The following PTPRT variants were observed in gnomAD, a reference collection of about 807,000 sequenced individuals.
PTPRT encodes the protein protein tyrosine phosphatase receptor type T.
Under a neutral mutation model 176.8 loss-of-function variants are expected in PTPRT, and 56 were observed. The ratio of observed to expected loss-of-function variants is 0.32; its 90% CI spans 0.26 to 0.40. The LOEUF is 0.40. PTPRT is among the 10% of genes least tolerant of loss of function. PTPRT has a pLI of 1.00. For missense variants in PTPRT, 1,540 were observed against 1,908.2 expected, an observed-to-expected ratio of 0.81 and a Z score of 3.60; for synonymous variants, 783 against 739.0, an observed-to-expected ratio of 1.06 and a Z score of -0.96.
chr20:42,698,340 CATT>C lies in PTPRT; in HGVS notation c.860-20184_860-20182del, dbSNP rs1381832775. ...GGCCTCTCTAAGAAATGAGGTGTGT[CATT>C]ATGAAAACTGCAGGGCTTAATGCTT... On this transcript the variant is annotated intron_variant, in intron 6 of 30. Coordinates refer to ENST00000373187, the MANE Select transcript of PTPRT (RefSeq NM_007050.6). 2.0e-5 allele frequency among the ~76,000 whole-genome samples: 3 copies of C among 152,216 alleles called. No homozygotes were observed. In the East Asian group the frequency reaches 5.8e-4, roughly 30 times the overall value.
At chr20:42,357,320 G>A (rs2058371349) in intron 9 of PTPRT, among the ~76,000 whole-genome samples, 1 of 152,122 alleles carries the variant, frequency 6.6e-6, no homozygotes, top group Admixed American at 6.6e-5. Context: ...TTATTTTCTG[G>A]CCTTTCATAG....
chr20:42,390,328 AATTG>A (rs1326075926), intron 9 of PTPRT, among the ~76,000 whole-genome samples: 3 of 152,306 alleles, frequency 2.0e-5, no homozygotes, highest in East Asian at 1.9e-4. Context: ...GAAAAATATA[AATTG>A]ATTGATTAAT....
chr20:42,189,918 C>T (rs914685744), intron 16 of PTPRT, among the ~76,000 whole-genome samples: 15 of 152,120 alleles, frequency 9.9e-5, no homozygotes, highest in African/African-American at 3.4e-4. Context: ...AATTTAACTC[C>T]TTAGTGTTTG....
chr20:42,345,618 G>GTGTA lies in PTPRT; in HGVS notation c.1865+5009_1865+5010insTACA, dbSNP rs1491310287. Among the ~76,000 whole-genome samples the GTGTA allele has an allele frequency of 1.2e-3, 131 of 105,692 alleles. 2 individuals carry two copies. The highest frequency in any genetic ancestry group is 4.4e-3 in the African/African-American group (124 of 27,914). The allele number at this position is 105,692 out of a possible 152,430, so 69.3% of individuals were successfully genotyped here. A position where few individuals can be genotyped will look rare whatever the true frequency, so the allele number is the denominator to read the frequency against. ...TGTGTGTGTGTGTGTGTGTGTGTGT[G>GTGTA]TATATATATGTATGATGCCAGACAC... On this transcript the variant is annotated intron_variant, in intron 11 of 30. Coordinates refer to ENST00000373187, the MANE Select transcript of PTPRT (RefSeq NM_007050.6).
At chr20:42,316,841 T>C (rs1471502651) in intron 11 of PTPRT, among the ~76,000 whole-genome samples, 1 of 152,220 alleles carries the variant, frequency 6.6e-6, no homozygotes, top group African/African-American at 2.4e-5. Flanking sequence ...TCACTTCCTC[T>C]ATGAAGCCTG....
intron 9 of PTPRT, among the ~76,000 whole-genome samples, chr20:42,427,114 C>T (rs1450826627): frequency 6.6e-6 from 1 of 152,142 alleles, no homozygotes; most frequent in Non-Finnish European, 1.5e-5. Context: ...GCCTCCAGAG[C>T]TTTGAAAGCT....
chr20:42,514,067 A>G (rs2072013748), intron 7 of PTPRT, among the ~76,000 whole-genome samples: 1 of 152,136 alleles, frequency 6.6e-6, no homozygotes, highest in South Asian at 2.1e-4. Context: ...ATCAATTTTT[A>G]GCTTGTACAA....
intron 15 of PTPRT, among the ~76,000 whole-genome samples, chr20:42,224,616 A>G (rs956365760): frequency 1.3e-5 from 2 of 152,154 alleles, no homozygotes; most frequent in South Asian, 4.1e-4. Context: ...GCCCTTCCAG[A>G]TGGGTGGTTC....
At chr20:42,668,715 G>A (rs895287857) in intron 7 of PTPRT, among the ~76,000 whole-genome samples, 14 of 150,934 alleles carry the variant, frequency 9.3e-5, no homozygotes, top group African/African-American at 2.9e-4. Context: ...TTTTTAAGGC[G>A]GAGTCTCGCT....
intron 1 of PTPRT, among the ~76,000 whole-genome samples, chr20:42,936,554 T>C (rs566662455): frequency 1.4e-4 from 22 of 152,318 alleles, no homozygotes; most frequent in African/African-American, 5.1e-4. Flanking sequence ...AACTGTCTTA[T>C]AGCTTAACAA....
rs77136939 is a variant in PTPRT, at chr20:42,737,040, G to A, written c.859+19422C>T. ...AAATTCATGAAAGCCAATACACATG[G>A]GTGCTGCGGATTCAATTGTGTCAAC... On this transcript the variant is annotated intron_variant, in intron 6 of 30. Coordinates refer to ENST00000373187, the MANE Select transcript of PTPRT (RefSeq NM_007050.6). 7.6e-3 allele frequency among the ~76,000 whole-genome samples: 1,160 copies of A among 152,282 alleles called. 17 individuals carry two copies. The highest frequency in any genetic ancestry group is 0.027 in the African/African-American group (1,116 of 41,538).
intron 14 of PTPRT, among the ~76,000 whole-genome samples, chr20:42,246,157 T>A (rs1435914611): frequency 6.6e-6 from 1 of 152,066 alleles, no homozygotes; most frequent in African/African-American, 2.4e-5. Flanking sequence ...TTGATATATA[T>A]ATGCAGCTGG....
At chr20:42,548,123 G>A (rs533699497) in intron 7 of PTPRT, among the ~76,000 whole-genome samples, 152 of 152,128 alleles carry the variant, frequency 1.0e-3, no homozygotes, top group African/African-American at 3.4e-3. Flanking sequence ...AGGATACAAT[G>A]ATATAACAAA....
At position 42,345,580 on chromosome 20, in the gene PTPRT, ATATGTGTGTGTGTGTGTGTG is replaced by A. The variant is rs1568794704; in HGVS notation, c.1865+5028_1865+5047del. 3.5e-3 allele frequency among the ~76,000 whole-genome samples: 304 copies of A among 86,456 alleles called. 2 individuals are homozygous for A. The highest frequency in any genetic ancestry group is 0.013 in the African/African-American group (287 of 22,312). The allele number at this position is 86,456 out of a possible 152,430, so 56.7% of individuals were successfully genotyped here. ...CACACACATATATATACATACATAT[ATATGTGTGTGTGTGTGTGTG>A]TGTGTGTGTGTGTGTGTGTATATAT... On this transcript the variant is annotated intron_variant, in intron 11 of 30. Coordinates refer to ENST00000373187, the MANE Select transcript of PTPRT (RefSeq NM_007050.6).
At chr20:42,329,414 G>A (rs1175430793) in intron 11 of PTPRT, among the ~76,000 whole-genome samples, 1 of 151,486 alleles carries the variant, frequency 6.6e-6, no homozygotes, top group Admixed American at 6.6e-5. Flanking sequence ...GGGTGATACA[G>A]ACACAGTGAC....
chr20:43,177,859 G>A (rs1028061984), intron 1 of PTPRT, among the ~76,000 whole-genome samples: 13 of 152,204 alleles, frequency 8.5e-5, no homozygotes, highest in Admixed American at 6.5e-5. Flanking sequence ...AAAGGCAGCA[G>A]TAACTTTGAA....
intron 2 of PTPRT, among the ~76,000 whole-genome samples, chr20:42,860,450 A>G (rs2078641789): frequency 6.6e-6 from 1 of 152,294 alleles, no homozygotes; most frequent in Admixed American, 6.5e-5. Context: ...TTGCTTATAC[A>G]TTTCTATTGC....
chr20:42,516,972 G>A (rs1568943258), intron 7 of PTPRT, among the ~76,000 whole-genome samples: 1 of 152,042 alleles, frequency 6.6e-6, no homozygotes, highest in African/African-American at 2.4e-5. Context: ...GTTTCTGAAT[G>A]TGCATAAGAA....
chr20:42,440,406 T>G (rs1193911632), intron 9 of PTPRT, among the ~76,000 whole-genome samples: 1 of 152,096 alleles, frequency 6.6e-6, no homozygotes, highest in African/African-American at 2.4e-5. Context: ...ACATACTATG[T>G]GAAAGCTACT....
Sources: gnomAD v4.1 joint callset for allele counts (sites outside exome capture counted in the v4.1 genomes callset) on GRCh38, gnomAD v4.1.1 for gene constraint, MANE v1.5 for transcripts, NCBI Gene and HGNC (gene_info 2026-07-23, HGNC 2026-07-21) for gene names.